The following FMN2 variants were observed in gnomAD, a reference collection of about 807,000 sequenced individuals.
The protein encoded by FMN2 is formin 2.
FMN2 carries 51 observed loss-of-function variants against 142.3 expected under a neutral mutation model. That is an observed-to-expected ratio of 0.36 (90% CI 0.29 to 0.45). FMN2 has a LOEUF of 0.45. Ranked by LOEUF, FMN2 falls within the 20% of genes least tolerant of loss-of-function variation. The probability of loss-of-function intolerance (pLI) is 1.00; values close to 1 mark genes in which losing one functional copy is unlikely to be tolerated. For missense variants in FMN2, 1,936 were observed against 2,122.8 expected (o/e 0.91, Z 1.73); for synonymous variants, 882 against 869.8 (o/e 1.01, Z -0.25).
chr1:240,386,983 T>G (rs981313775), intron 14 of FMN2, among the ~76,000 whole-genome samples: 2 of 152,246 alleles, frequency 1.3e-5, no homozygotes, highest in Admixed American at 6.5e-5. Context: ...ACTGCAGATC[T>G]CTAGCATTTG....
chr1:240,256,914 C>T (rs1052407120), intron 6 of FMN2, among the ~76,000 whole-genome samples: 1 of 152,186 alleles, frequency 6.6e-6, no homozygotes, highest in Non-Finnish European at 1.5e-5. Context: ...CTTTGTGTAA[C>T]AGTTGGGTAT....
intron 15 of FMN2, among the ~76,000 whole-genome samples, chr1:240,399,506 G>A (rs114807920): frequency 0.015 from 2,217 of 152,174 alleles, 62 homozygotes; most frequent in African/African-American, 0.051. Context: ...TATGGGAGCC[G>A]CTGCAGGAGC....
rs550581448 is a variant in FMN2 at position 240,371,157 on chromosome 1, A to G, written c.4858+15249A>G. 2.6e-5 allele frequency among the ~76,000 whole-genome samples: 4 copies of G among 151,788 alleles called. No homozygotes were observed. In the South Asian group the frequency reaches 8.4e-4, roughly 32 times the overall value. On this transcript the variant is annotated intron_variant, in intron 14 of 17. Coordinates refer to ENST00000319653, the MANE Select transcript of FMN2 (RefSeq NM_020066.5). The stretch of plus-strand genomic sequence containing the variant: ...TTTTTTTTGGTAGAGACGAGGTTTC[A>G]CCATATTGGCCAAGCTGGTCTTGAA...
At position 240,093,574 on chromosome 1, in the gene FMN2, C is replaced by T. The variant is rs1661089760; in HGVS notation, c.1465C>T (p.Leu489=). 4.8e-6 allele frequency: 7 copies of T among 1,461,054 alleles called. No individual in the cohort carries two copies. The highest frequency in any genetic ancestry group is 6.3e-6 in the Non-Finnish European group (7 of 1,116,482). 90.5% of individuals were successfully genotyped at this position (1,461,054 alleles called of 1,614,324 possible). Residue 489 remains leucine, a synonymous_variant, in exon 1 of 18, where the codon CTA becomes TTA. Transcript: ENST00000319653. ...LSRSADWTEE[L]GARTPRVGGS... ...CCGCTCGGCTGACTGGACGGAGGAG[C>T]TAGGCGCCCGCACGCCCCGGGTGGG... is the stretch of plus-strand genomic sequence containing the variant.
At chr1:240,458,362 G>C (rs1374027488) in intron 16 of FMN2, 1 of 152,002 alleles carries the variant, frequency 6.6e-6, no homozygotes, top group Non-Finnish European at 1.5e-5. Flanking sequence ...TAGCTTTGTT[G>C]TACTCTTTTA....
chr1:240,292,210 G>T (rs1043897753), intron 7 of FMN2, among the ~76,000 whole-genome samples: 1 of 152,076 alleles, frequency 6.6e-6, no homozygotes, highest in African/African-American at 2.4e-5. Context: ...CCGAAACAAG[G>T]CTGAAATTTT....
At chr1:240,356,858 T>C (rs1407763519) in intron 14 of FMN2, among the ~76,000 whole-genome samples, 1 of 152,238 alleles carries the variant, frequency 6.6e-6, no homozygotes, top group African/African-American at 2.4e-5. Flanking sequence ...ACAGCTTTTT[T>C]AAGATGGGAA....
At position 240,172,396 on chromosome 1, in the gene FMN2, A is replaced by G. The variant is rs138923569; in HGVS notation, c.1783-5525A>G. On this transcript the variant is annotated intron_variant, in intron 2 of 17. Coordinates refer to ENST00000319653, the MANE Select transcript of FMN2 (RefSeq NM_020066.5). ...TAAGTAGAGATGATGTGTAGGTGAGATAATGATTTTCAATTCCTCTGAAAA... is the reference window on the plus strand; with the variant it reads ...TAAGTAGAGATGATGTGTAGGTGAGGTAATGATTTTCAATTCCTCTGAAAA... 3.3e-3 allele frequency among the ~76,000 whole-genome samples: 497 copies of G among 152,338 alleles called. 10 individuals are homozygous for G. Among genetic ancestry groups the G allele is most frequent in the Admixed American group, 0.032 (483 of 15,302 alleles).
chr1:240,365,628 G>A (rs564826337), intron 14 of FMN2, among the ~76,000 whole-genome samples: 3 of 152,170 alleles, frequency 2.0e-5, no homozygotes, highest in South Asian at 2.1e-4. Flanking sequence ...GAGTCACTGC[G>A]AACACTGAAT....
chr1:240,433,214 C>T (rs1388352910), intron 15 of FMN2, among the ~76,000 whole-genome samples: 1 of 151,998 alleles, frequency 6.6e-6, no homozygotes, highest in East Asian at 1.9e-4. Flanking sequence ...GAAATAACAC[C>T]CTGGTTATGT....
intron 4 of FMN2, among the ~76,000 whole-genome samples, chr1:240,194,238 A>T (rs562790185): frequency 6.6e-6 from 1 of 152,188 alleles, no homozygotes; most frequent in South Asian, 2.1e-4. Context: ...CAGGAGTGGT[A>T]GAACATTTGC....
intron 16 of FMN2, among the ~76,000 whole-genome samples, chr1:240,468,152 A>T (rs1483027578): frequency 6.6e-6 from 1 of 152,100 alleles, no homozygotes; most frequent in Non-Finnish European, 1.5e-5. Flanking sequence ...CTTGATTCAC[A>T]AATGCCCTGG....
chr1:240,450,639 G>A (rs948990742), intron 16 of FMN2, among the ~76,000 whole-genome samples: 9 of 152,216 alleles, frequency 5.9e-5, no homozygotes, highest in Admixed American at 6.5e-5. Context: ...GCACCCGAGC[G>A]TCACATGCTC....
rs1491168008 is a variant in FMN2, at chr1:240,290,778, TGG to T, written c.4154-4043_4154-4042del. ...TGGTCTGGAGTGATGTCTGTTTGTT[TGG>T]TTTTTTTTTTTTGTTTTTTTTTTTT... is the stretch of plus-strand genomic sequence containing the variant. On this transcript the variant is annotated intron_variant, in intron 7 of 17. Coordinates refer to ENST00000319653, the MANE Select transcript of FMN2 (RefSeq NM_020066.5). Among the ~76,000 whole-genome samples the T allele has an allele frequency of 1.1e-4, 15 of 136,780 alleles. No individual in the cohort carries two copies. The South Asian group carries it at 1.2e-3, about 11-fold the overall frequency. The allele number at this position is 136,780 out of a possible 152,430, so 89.7% of individuals were successfully genotyped here. A position where few individuals can be genotyped will look rare whatever the true frequency, so the allele number is the denominator to read the frequency against.
intron 8 of FMN2, among the ~76,000 whole-genome samples, chr1:240,297,586 C>T (rs1486465952): frequency 8.8e-6 from 1 of 113,688 alleles, no homozygotes; most frequent in Non-Finnish European, 1.7e-5. Context: ...CAGAGTGAGA[C>T]TCCATCTCAA....
chr1:240,231,787 G>A (rs1667533362), intron 6 of FMN2, among the ~76,000 whole-genome samples: 3 of 152,196 alleles, frequency 2.0e-5, no homozygotes, highest in African/African-American at 7.2e-5. Flanking sequence ...TTTAATAAAT[G>A]TCTTCAAGCA....
chr1:240,437,491 A>G (rs1415330015), intron 15 of FMN2, among the ~76,000 whole-genome samples: 2 of 151,538 alleles, frequency 1.3e-5, no homozygotes, highest in Non-Finnish European at 2.9e-5. Flanking sequence ...TTTAGTAGAG[A>G]CAGGGTTTCA....
intron 2 of FMN2, chr1:240,170,747 CTGTT>C (rs58030168): frequency 0.26 from 379,030 of 1,441,010 alleles, 50,916 homozygotes; most frequent in Middle Eastern, 0.35. Flanking sequence ...GGGCCTGGCT[CTGTT>C]TGGGCCGTCT....
rs116741616 is a variant in FMN2, at chr1:240,195,393, C to T, written c.1986+7131C>T. ...AAATTGCCTCCAGGCATAGAGCTGC[C>T]GTGTTGTCTAATGTTCCTACGTGCA... On this transcript the variant is annotated intron_variant, in intron 4 of 17. Transcript: ENST00000319653. Among the ~76,000 whole-genome samples, 763 of 152,262 alleles carry T rather than the reference C, an allele frequency of 5.0e-3. 9 individuals carry two copies. The highest frequency in any genetic ancestry group is 0.018 in the African/African-American group (736 of 41,554).
Sources: gnomAD v4.1 joint callset for allele counts (sites outside exome capture counted in the v4.1 genomes callset) on GRCh38, gnomAD v4.1.1 for gene constraint, MANE v1.5 for transcripts, NCBI Gene and HGNC (gene_info 2026-07-23, HGNC 2026-07-21) for gene names.